Variants in GRM7 observed in about 807,000 individuals in gnomAD.
The protein encoded by GRM7 is glutamate metabotropic receptor 7.
GRM7 carries 35 observed loss-of-function variants against 84.5 expected under a neutral mutation model. The ratio of observed to expected loss-of-function variants is 0.41; its 90% confidence interval spans 0.32 to 0.55. The LOEUF (loss-of-function observed/expected upper bound fraction) is 0.55. GRM7 is among the 20% of genes least tolerant of loss of function. GRM7 has a pLI of 0.19. For synonymous variants in GRM7, 487 were observed against 455.1 expected (o/e 1.07, Z -0.89); for missense variants, 1,003 against 1,194.6 (o/e 0.84, Z 2.36).
intron 8 of GRM7, among the ~76,000 whole-genome samples, chr3:7,608,484 G>A (rs909968155): frequency 6.6e-6 from 1 of 152,080 alleles, no homozygotes; most frequent in African/African-American, 2.4e-5. Flanking sequence ...CAGTGATATT[G>A]AGCTTTTTTT....
At chr3:6,989,701 C>A (rs1703200784) in intron 1 of GRM7, among the ~76,000 whole-genome samples, 1 of 152,128 alleles carries the variant, frequency 6.6e-6, no homozygotes, top group Non-Finnish European at 1.5e-5. Flanking sequence ...CCTTTAGGTC[C>A]AAAGAGCCGA....
intron 9 of GRM7, among the ~76,000 whole-genome samples, chr3:7,705,047 A>T (rs540857876): frequency 6.6e-6 from 1 of 152,242 alleles, no homozygotes; most frequent in Non-Finnish European, 1.5e-5. Context: ...ATTACCCCCC[A>T]GGTCTTGACT....
rs777859032 is a variant in GRM7 at position 7,579,360 on chromosome 3, A to G, written c.2451+3A>G. The G allele has an allele frequency of 3.3e-6, 5 of 1,502,110 alleles. No individual in the cohort carries two copies. The highest frequency in any genetic ancestry group is 2.5e-5 in the South Asian group (2 of 78,438). The allele number at this position is 1,502,110 out of a possible 1,614,324, so 93.0% of individuals were successfully genotyped here. On this transcript the variant is annotated splice_donor_region_variant and intron_variant, in intron 8 of 9. Transcript: ENST00000357716. The stretch of plus-strand genomic sequence containing the variant: ...GCACCGCTCAATCAGCGGAAAAGGT[A>G]AGTGAAAATGCACATCATAATATGT...
chr3:6,998,758 G>A (rs953326634), intron 1 of GRM7, among the ~76,000 whole-genome samples: 1 of 152,200 alleles, frequency 6.6e-6, no homozygotes, highest in African/African-American at 2.4e-5. Context: ...ACCCTCTGAA[G>A]CCATGGCCTG....
chr3:7,503,753 C>A (rs534929914), intron 7 of GRM7, among the ~76,000 whole-genome samples: 1 of 152,212 alleles, frequency 6.6e-6, no homozygotes, highest in South Asian at 2.1e-4. Flanking sequence ...AAGCTTGTAA[C>A]TTTAGGGACT....
chr3:7,495,443 C>T (rs1379085296), intron 7 of GRM7, among the ~76,000 whole-genome samples: 2 of 152,112 alleles, frequency 1.3e-5, no homozygotes, highest in African/African-American at 4.8e-5. Context: ...CTGGGCCCCT[C>T]ACTCACCCTT....
intron 7 of GRM7, among the ~76,000 whole-genome samples, chr3:7,538,663 T>G (rs1255868444): frequency 6.6e-6 from 1 of 152,188 alleles, no homozygotes; most frequent in East Asian, 1.9e-4. Flanking sequence ...TGCCTGCAAG[T>G]TGTCTGAGTA....
intron 7 of GRM7, among the ~76,000 whole-genome samples, chr3:7,577,707 G>C (rs533445964): frequency 3.4e-4 from 52 of 152,210 alleles, no homozygotes; most frequent in African/African-American, 1.2e-3. Flanking sequence ...ATGGCCAAAT[G>C]GTTTCCAGAC....
chr3:7,385,560 A>G (rs1216652956), intron 4 of GRM7, among the ~76,000 whole-genome samples: 2 of 152,116 alleles, frequency 1.3e-5, no homozygotes, highest in African/African-American at 2.4e-5. Context: ...TCGGCCTCCG[A>G]AAGTGCTGGG....
intron 1 of GRM7, among the ~76,000 whole-genome samples, chr3:6,989,523 C>A (rs146609051): frequency 6.6e-6 from 1 of 152,176 alleles, no homozygotes; most frequent in African/African-American, 2.4e-5. Context: ...GACTTTCTTC[C>A]TTCACAAACT....
chr3:7,133,620 A>C (rs528585043), intron 1 of GRM7, among the ~76,000 whole-genome samples: 1 of 152,378 alleles, frequency 6.6e-6, no homozygotes, highest in African/African-American at 2.4e-5. Flanking sequence ...TTGGTAAGCC[A>C]AACTTCTATG....
chr3:7,355,235 C>T (rs978076258), intron 4 of GRM7, among the ~76,000 whole-genome samples: 1 of 152,088 alleles, frequency 6.6e-6, no homozygotes, highest in Non-Finnish European at 1.5e-5. Context: ...GGAAGAGGCA[C>T]AATGCCTAGT....
intron 4 of GRM7, among the ~76,000 whole-genome samples, chr3:7,394,185 C>T (rs1372091473): frequency 6.6e-6 from 1 of 152,146 alleles, no homozygotes; most frequent in Non-Finnish European, 1.5e-5. Context: ...GCTCTCCTTC[C>T]TCTCTCTTGT....
chr3:7,564,566 G>T (rs1694173929), intron 7 of GRM7, among the ~76,000 whole-genome samples: 1 of 152,174 alleles, frequency 6.6e-6, no homozygotes, highest in African/African-American at 2.4e-5. Flanking sequence ...AGCTGGAAAA[G>T]TTGAAGCTCG....
chr3:7,287,367 C>T (rs895302260), intron 2 of GRM7, among the ~76,000 whole-genome samples: 1 of 152,138 alleles, frequency 6.6e-6, no homozygotes, highest in East Asian at 1.9e-4. Flanking sequence ...GAGAAATCTG[C>T]TTCAAATGTC....
chr3:6,910,052 C>G (rs1482828070), intron 1 of GRM7, among the ~76,000 whole-genome samples: 1 of 151,920 alleles, frequency 6.6e-6, no homozygotes, highest in Non-Finnish European at 1.5e-5. Flanking sequence ...ATGTCAGCTT[C>G]CTCATTGGGG....
intron 5 of GRM7, among the ~76,000 whole-genome samples, chr3:7,438,102 G>C (rs1697133994): frequency 6.6e-6 from 1 of 152,060 alleles, no homozygotes; most frequent in Non-Finnish European, 1.5e-5. Flanking sequence ...ATGAAGTGGG[G>C]AACAGGTGAG....
In GRM7 at chr3:7,504,517, G is replaced by A. The variant is rs193139011; in HGVS notation, c.1515+42795G>A. 2.0e-3 allele frequency among the ~76,000 whole-genome samples: 299 copies of A among 152,304 alleles called. 2 individuals are homozygous for A. The highest frequency in any genetic ancestry group is 6.2e-3 in the African/African-American group (259 of 41,562). On this transcript the variant is annotated intron_variant, in intron 7 of 9. Transcript: ENST00000357716. Reference sequence around the variant, plus strand: ...GAAGTTTATTTAGCTCACAGTTCTGGAGACTGGGAAGTTCAATAGCATGGT... The same window carrying A: ...GAAGTTTATTTAGCTCACAGTTCTGAAGACTGGGAAGTTCAATAGCATGGT...
chr3:6,968,257 T>C (rs376710618), intron 1 of GRM7, among the ~76,000 whole-genome samples: 4 of 152,174 alleles, frequency 2.6e-5, no homozygotes, highest in East Asian at 3.9e-4. Context: ...TTTCTTCACA[T>C]CATCTTTCCT....
Sources: allele counts gnomAD v4.1 joint callset (sites outside exome capture counted in the v4.1 genomes callset), GRCh38; gene constraint gnomAD v4.1.1; transcripts MANE v1.5; gene names NCBI Gene and HGNC (gene_info 2026-07-23, HGNC 2026-07-21).